ELOVL2: variants seen among roughly 807,000 people sequenced by gnomAD.
ELOVL2 encodes very long chain fatty acid elongase 2.
A neutral mutation model predicts 37.7 loss-of-function variants in ELOVL2; 38 were observed. The ratio of observed to expected loss-of-function variants is 1.01; its 90% confidence interval spans 0.78 to 1.32. The LOEUF is 1.32. Ranked by LOEUF, ELOVL2 falls within the 40% of genes most tolerant of loss-of-function variation. The pLI is 0.00. For missense variants in ELOVL2, 352 were observed against 363.6 expected (o/e 0.97, Z 0.26); for synonymous variants, 115 against 122.3 (o/e 0.94, Z 0.40).
chr6:11,033,071 A>G (rs1561728578), intron 1 of ELOVL2, among the ~76,000 whole-genome samples: 2 of 152,204 alleles, frequency 1.3e-5, no homozygotes, highest in Non-Finnish European at 2.9e-5. Flanking sequence ...TCCCTTACAC[A>G]GTAAACTTCA....
intron 1 of ELOVL2, 40 bp from the exon 2 acceptor site, chr6:11,010,849 TTC>T: frequency 6.5e-7 from 1 of 1,535,020 alleles, no homozygotes. Context: ...TGTTTTTTTC[TTC>T]TTTTTTTGAA....
At chr6:11,036,034 C>A (rs1782999938) in intron 1 of ELOVL2, among the ~76,000 whole-genome samples, 1 of 152,082 alleles carries the variant, frequency 6.6e-6, no homozygotes, top group Non-Finnish European at 1.5e-5. Context: ...AAAAGGAGAA[C>A]AAATGCAAAA....
chr6:10,998,725 AG>A (rs1027839575), intron 4 of ELOVL2, among the ~76,000 whole-genome samples: 19 of 152,334 alleles, frequency 1.2e-4, no homozygotes, highest in Admixed American at 1.0e-3. Flanking sequence ...GCCCCAAACC[AG>A]GAAGAGGCCC....
intron 3 of ELOVL2, among the ~76,000 whole-genome samples, chr6:11,004,323 T>A (rs1335861170): frequency 6.6e-6 from 1 of 152,164 alleles, no homozygotes; most frequent in African/African-American, 2.4e-5. Context: ...GCAGCTATAT[T>A]TGTGCCATTA....
At chr6:10,992,765 C>T (rs1182133481) in intron 5 of ELOVL2, among the ~76,000 whole-genome samples, 3 of 145,566 alleles carry the variant, frequency 2.1e-5, no homozygotes, top group Non-Finnish European at 3.0e-5. Flanking sequence ...TCCAGCCTGG[C>T]GACAGGGCGG....
chr6:11,041,756 A>G lies in ELOVL2; in HGVS notation c.3+2472T>C, dbSNP rs1282141940. On this transcript the variant is annotated intron_variant, in intron 1 of 7. Coordinates refer to ENST00000354666, the MANE Select transcript of ELOVL2 (RefSeq NM_017770.4). ...AAAACTTATGTAAATTTTATTAAAC[A>G]ATTTGTTTCCAATTAATACATTTCT... is the stretch of plus-strand genomic sequence containing the variant. 2.0e-5 allele frequency among the ~76,000 whole-genome samples: 3 copies of G among 149,050 alleles called. No homozygotes were observed. In the East Asian group the frequency reaches 5.8e-4, roughly 29 times the overall value.
intron 4 of ELOVL2, among the ~76,000 whole-genome samples, chr6:10,995,429 C>T (rs1782248913): frequency 0.015 from 1 of 68 alleles, no homozygotes; most frequent in Non-Finnish European, 0.036. Context: ...TCCGCAGAAC[C>T]CAAGTTCATG....
chr6:11,006,526 T>C (rs1782486175), intron 2 of ELOVL2, among the ~76,000 whole-genome samples: 1 of 152,262 alleles, frequency 6.6e-6, no homozygotes, highest in African/African-American at 2.4e-5. Flanking sequence ...TGTAGTGAGC[T>C]GGTTTCACCA....
intron 1 of ELOVL2, among the ~76,000 whole-genome samples, chr6:11,014,145 G>T (rs1782631749): frequency 6.6e-6 from 1 of 152,202 alleles, no homozygotes; most frequent in African/African-American, 2.4e-5. Context: ...ACTTACCACA[G>T]TTGGTAGGAA....
At chr6:10,992,930 C>CA (rs1782192511) in intron 5 of ELOVL2, among the ~76,000 whole-genome samples, 1 of 152,108 alleles carries the variant, frequency 6.6e-6, no homozygotes, top group Admixed American at 6.5e-5. Context: ...TAGTAGCTCA[C>CA]ACCTCTAATC....
chr6:11,016,626 T>A (rs763927020), intron 1 of ELOVL2, among the ~76,000 whole-genome samples: 4 of 152,152 alleles, frequency 2.6e-5, no homozygotes, highest in Non-Finnish European at 4.4e-5. Context: ...GGAGGTGTTA[T>A]CTCCTCTCAG....
Position 11,044,107 on chromosome 6 carries a change from T to G in ELOVL2, c.3+121A>C. On this transcript the variant is annotated intron_variant, in intron 1 of 7. Coordinates refer to ENST00000354666, the MANE Select transcript of ELOVL2 (RefSeq NM_017770.4). This position sits in a 1 kb window ranked among gnomAD's most constrained non-coding sequence, Gnocchi z 5.6. ...ACCCGGCCCCTCCGAGGGTAGCGGG[T>G]TCCAGCGGCGAACCCGCAGCGCCCG... 2 of 1,234,798 alleles carry G rather than the reference T, an allele frequency of 1.6e-6. No individual in the cohort carries two copies. The highest frequency in any genetic ancestry group is 1.6e-5 in the African/African-American group (1 of 61,620). The allele number at this position is 1,234,798 out of a possible 1,614,324, so 76.5% of individuals were successfully genotyped here. A position where few individuals can be genotyped will look rare whatever the true frequency, so the allele number is the denominator to read the frequency against.
chr6:11,005,417 C>G lies in ELOVL2; in HGVS notation c.210G>C (p.Leu70Phe). Reference protein sequence around the residue: ...PALSLRGILTLYNLGITLLSA... With the variant: ...PALSLRGILTFYNLGITLLSA... ...AGAGAAGTGTGATTCCAAGATTATA[C>G]AAGGTGAGGATACCCCTGAGAGAAA... The change falls in exon 3 of 8, where the codon TTG (leucine) becomes TTC (phenylalanine). Residue 70 changes from leucine (L) to phenylalanine (F), a missense_variant. Leu to Phe is a conservative substitution (Grantham distance 22). Coordinates refer to ENST00000354666, the MANE Select transcript of ELOVL2 (RefSeq NM_017770.4). 6.2e-7 allele frequency: 1 copy of G among 1,614,002 alleles called. No individual in the cohort carries two copies. Among genetic ancestry groups the G allele is most frequent in the Non-Finnish European group, 8.5e-7 (1 of 1,179,960 alleles).
At chr6:11,037,436 T>A (rs1384065838) in intron 1 of ELOVL2, among the ~76,000 whole-genome samples, 1 of 151,930 alleles carries the variant, frequency 6.6e-6, no homozygotes, top group Admixed American at 6.6e-5. Context: ...ATCTTTAAAG[T>A]ATTGGAAATA....
In ELOVL2 at chr6:10,990,336, A is replaced by G. The variant is rs1042717636; in HGVS notation, c.612T>C (p.Tyr204=). 1.2e-5 allele frequency: 20 copies of G among 1,612,710 alleles called. No homozygotes were observed. The highest frequency in any genetic ancestry group is 3.3e-5 in the Admixed American group (2 of 59,730). ...AACATACCAGCTGAGCCTGTGTGAG[A>G]TATTTCTTCCACCAAAGATACTTGT... ...SMHKYLWWKK[Y]LTQAQLVQFV... The change falls in exon 6 of 8, where the codon TAT becomes TAC. Residue 204 remains tyrosine (Y), a synonymous_variant. Coordinates refer to ENST00000354666, the MANE Select transcript of ELOVL2 (RefSeq NM_017770.4).
intron 1 of ELOVL2, among the ~76,000 whole-genome samples, chr6:11,027,892 A>G (rs540651119): frequency 2.0e-5 from 3 of 152,186 alleles, no homozygotes; most frequent in Non-Finnish European, 4.4e-5. Flanking sequence ...CTTTTTCAGC[A>G]TTCTTTCTAA....
At chr6:11,038,835 ATAAT>A (rs939952830) in intron 1 of ELOVL2, among the ~76,000 whole-genome samples, 2 of 152,346 alleles carry the variant, frequency 1.3e-5, no homozygotes, top group South Asian at 2.1e-4. Context: ...CTGAATTGTG[ATAAT>A]TAAATAATTT....
chr6:11,029,188 A>G (rs2113554974), intron 1 of ELOVL2, among the ~76,000 whole-genome samples: 1 of 143,034 alleles, frequency 7.0e-6, no homozygotes, highest in South Asian at 2.3e-4. Context: ...AGATCGCGCC[A>G]CTGCACTTCA....
intron 5 of ELOVL2, among the ~76,000 whole-genome samples, chr6:10,993,724 G>C (rs1782207559): frequency 1.3e-5 from 2 of 152,052 alleles, no homozygotes; most frequent in African/African-American, 4.8e-5. Context: ...ATCTGGCTGT[G>C]TCTCCCAGGC....
Sources: allele counts gnomAD v4.1 joint callset (sites outside exome capture counted in the v4.1 genomes callset), GRCh38; gene constraint gnomAD v4.1.1; non-coding constraint Gnocchi (gnomAD v3.1); transcripts MANE v1.5; gene names NCBI Gene and HGNC (gene_info 2026-07-23, HGNC 2026-07-21).